The following LMTK2 variants were observed in gnomAD, a reference collection of about 807,000 sequenced individuals.
LMTK2 encodes serine/threonine-protein kinase LMTK2.
In LMTK2, 37 loss-of-function variants were observed where a neutral mutation model predicts 127.5. The ratio of observed to expected loss-of-function variants is 0.29; its 90% CI spans 0.22 to 0.38. The LOEUF (loss-of-function observed/expected upper bound fraction) is 0.38. Ranked by LOEUF, LMTK2 falls within the 10% of genes least tolerant of loss-of-function variation. LMTK2 has a pLI of 1.00. For missense variants in LMTK2, 1,694 were observed against 1,920.3 expected, an observed-to-expected ratio of 0.88 and a Z score of 2.20; for synonymous variants, 819 against 810.1, an observed-to-expected ratio of 1.01 and a Z score of -0.19.
At position 98,154,833 on chromosome 7, in the gene LMTK2, C is replaced by T; in HGVS notation, c.526C>T (p.Pro176Ser). The change falls in exon 5 of 14, where the codon CCA becomes TCA. Residue 176 changes from proline (P) to serine (S), a missense_variant. By Grantham distance (74) the Pro-to-Ser change is moderately conservative. This residue lies in a region of LMTK2 where 203 missense variants were observed against 226.2 expected (regional missense o/e 0.90). Coordinates refer to ENST00000297293, the MANE Select transcript of LMTK2 (RefSeq NM_014916.4). ...IVKELKASAN[P>S]KEQDTFLKNG... ...GAAGGAGTTAAAAGCAAGTGCCAAC[C>T]CAAAGGAACAAGATACTTTTTTGAA... 6.2e-7 allele frequency: 1 copy of T among 1,613,290 alleles called. No individual in the cohort carries two copies. Among genetic ancestry groups the T allele is most frequent in the Non-Finnish European group, 8.5e-7 (1 of 1,179,306 alleles).
intron 6 of LMTK2, among the ~76,000 whole-genome samples, chr7:98,161,613 A>G (rs10256262): frequency 0.13 from 19,512 of 152,108 alleles, 2,005 homozygotes; most frequent in African/African-American, 0.28. Context: ...ATTGCTTATT[A>G]TTATATAATC....
At chr7:98,139,754 T>C (rs1483079246) in intron 2 of LMTK2, among the ~76,000 whole-genome samples, 1 of 152,212 alleles carries the variant, frequency 6.6e-6, no homozygotes, top group Non-Finnish European at 1.5e-5. Flanking sequence ...AACACAAGTG[T>C]TAGAGAAATC....
intron 1 of LMTK2, among the ~76,000 whole-genome samples, chr7:98,114,009 A>G (rs542017933): frequency 6.6e-6 from 1 of 151,516 alleles, no homozygotes; most frequent in South Asian, 2.1e-4. Flanking sequence ...TTCAGGTGGG[A>G]AAAGTGAGCA....
intron 1 of LMTK2, among the ~76,000 whole-genome samples, chr7:98,118,990 G>T (rs1258972269): frequency 1.3e-5 from 2 of 152,044 alleles, no homozygotes; most frequent in Admixed American, 1.3e-4. Context: ...TACTCAGGAG[G>T]CTGAGGCAAG....
At chr7:98,179,036 C>T (rs1486620655) in intron 7 of LMTK2, among the ~76,000 whole-genome samples, 1 of 152,182 alleles carries the variant, frequency 6.6e-6, no homozygotes, top group Non-Finnish European at 1.5e-5. Flanking sequence ...CCCAGTCCTG[C>T]CACTGTTTGC....
intron 11 of LMTK2, among the ~76,000 whole-genome samples, chr7:98,203,250 G>A (rs987290474): frequency 3.9e-5 from 6 of 152,224 alleles, no homozygotes; most frequent in Admixed American, 2.0e-4. Context: ...GAGTCCAGGC[G>A]GGGGATTGTG....
At position 98,208,445 on chromosome 7, in the gene LMTK2, G is replaced by A. The variant is rs1240156154; in HGVS notation, c.*2953G>A. 6.6e-6 allele frequency: 1 copy of A among 152,132 alleles called. No individual in the cohort carries two copies. The highest frequency in any genetic ancestry group is 2.4e-5 in the African/African-American group (1 of 41,434). The allele number at this position is 152,132 out of a possible 1,614,324, so 9.4% of individuals were successfully genotyped here. A position where few individuals can be genotyped will look rare whatever the true frequency, so the allele number is the denominator to read the frequency against. On this transcript the variant is annotated 3_prime_UTR_variant, in exon 14 of 14. Transcript: ENST00000297293. ...GTTATCAGTGGTGGGTTTTCAAAAT[G>A]TACTTGTTCTAATAAGTTGTACAAT...
chr7:98,140,708 A>T (rs1584258804), intron 2 of LMTK2, among the ~76,000 whole-genome samples: 1 of 152,240 alleles, frequency 6.6e-6, no homozygotes, highest in Admixed American at 6.5e-5. Flanking sequence ...CAACTTTAAA[A>T]TAAAATGATT....
At position 98,194,253 on chromosome 7, in the gene LMTK2, G is replaced by A; in HGVS notation, c.3788G>A (p.Gly1263Glu). The change falls in exon 11 of 14, where the codon GGG becomes GAG. Residue 1263 changes from glycine to glutamate, a missense_variant. Physicochemically the swap from Gly to Glu is moderately conservative, Grantham distance 98. Coordinates refer to ENST00000297293, the MANE Select transcript of LMTK2 (RefSeq NM_014916.4). The surrounding 1 kb of genome is among the most constrained non-coding windows in gnomAD (Gnocchi z 5.4). ...AAGTTGAAGGAGCCGGACATCGAAG[G>A]GAAGTACCTGGGGAAACTCGGGGTG... ...GPKLKEPDIE[G>E]KYLGKLGVSG... The A allele has an allele frequency of 6.2e-7, 1 of 1,614,166 alleles. No individual in the cohort carries two copies. The highest frequency in any genetic ancestry group is 8.5e-7 in the Non-Finnish European group (1 of 1,180,034).
At chr7:98,143,683 A>G (rs138850066) in intron 3 of LMTK2, among the ~76,000 whole-genome samples, 7 of 152,348 alleles carry the variant, frequency 4.6e-5, no homozygotes, top group Admixed American at 1.3e-4. Flanking sequence ...TAGTGCAGCT[A>G]TAAATTGCTG....
intron 4 of LMTK2, 97 bp downstream of exon 4, chr7:98,151,552 C>T: frequency 1.0e-6 from 1 of 952,580 alleles, no homozygotes; most frequent in Non-Finnish European, 1.6e-6. Flanking sequence ...TCCACGTGCC[C>T]TGTGGGCCCT....
intron 6 of LMTK2, among the ~76,000 whole-genome samples, chr7:98,160,745 T>C (rs1216346767): frequency 1.3e-5 from 2 of 152,196 alleles, no homozygotes; most frequent in African/African-American, 2.4e-5. Context: ...TTCCTTATAA[T>C]TCTGGTTGTT....
intron 7 of LMTK2, among the ~76,000 whole-genome samples, chr7:98,177,750 G>C (rs774001142): frequency 6.6e-6 from 1 of 152,200 alleles, no homozygotes; most frequent in South Asian, 2.1e-4. Context: ...CCAAATCCTA[G>C]CAGGTGCCTG....
rs1797412636 is a variant in LMTK2 at position 98,185,035 on chromosome 7, T to G, written c.792-16T>G. ...TGTTGATTCTTCTTGCCATGTTCAC[T>G]TCCCTCTGTTTTCAGTGATTTAGCC... On this transcript the variant is annotated splice_polypyrimidine_tract_variant and intron_variant, in intron 7 of 13. Transcript: ENST00000297293. 14 of 1,587,886 alleles carry G rather than the reference T, an allele frequency of 8.8e-6. No individual in the cohort carries two copies. Among genetic ancestry groups the G allele is most frequent in the Non-Finnish European group, 1.0e-5 (12 of 1,157,026 alleles).
intron 2 of LMTK2, among the ~76,000 whole-genome samples, chr7:98,140,176 CTTTTCTTTCTTCTTTCTGTCT>C (rs1562902891): frequency 0.18 from 1,976 of 10,740 alleles, 631 homozygotes; most frequent in East Asian, 0.47. Flanking sequence ...TCTTTTCTTT[CTTTTCTTTCTTCTTTCTGTCT>C]TTGAGATGGT....
chr7:98,144,721 C>T (rs1796744998), intron 3 of LMTK2, among the ~76,000 whole-genome samples: 1 of 151,292 alleles, frequency 6.6e-6, no homozygotes, highest in Non-Finnish European at 1.5e-5. Context: ...TATTATGTCC[C>T]CACCCACACA....
rs113639306 is a variant in LMTK2, at chr7:98,176,459, ATTTCT to A, written c.791+4788_791+4792del. The stretch of plus-strand genomic sequence containing the variant: ...CCCACTATTTCTGTTACCTTCCAAC[ATTTCT>A]TTGGAGGTACTAGCTAATACAAACA... On this transcript the variant is annotated intron_variant, in intron 7 of 13. Transcript: ENST00000297293. 6.7e-3 allele frequency among the ~76,000 whole-genome samples: 1,015 copies of A among 152,332 alleles called. 9 individuals carry two copies. The highest frequency in any genetic ancestry group is 0.027 in the Middle Eastern group (8 of 294).
chr7:98,182,139 A>G (rs1797365074), intron 7 of LMTK2, among the ~76,000 whole-genome samples: 1 of 152,266 alleles, frequency 6.6e-6, no homozygotes, highest in Admixed American at 6.5e-5. Context: ...ATGCAAAACT[A>G]TAAAAGTCTT....
chr7:98,127,941 G>A (rs1388082667), intron 1 of LMTK2, among the ~76,000 whole-genome samples: 1 of 152,182 alleles, frequency 6.6e-6, no homozygotes, highest in East Asian at 1.9e-4. Flanking sequence ...TCAGGAGTTT[G>A]AGATTAGCCT....
Sources: allele counts gnomAD v4.1 joint callset (sites outside exome capture counted in the v4.1 genomes callset), GRCh38; gene constraint gnomAD v4.1.1; regional missense constraint gnomAD v4.1.1; non-coding constraint Gnocchi (gnomAD v3.1); transcripts MANE v1.5; gene names NCBI Gene and HGNC (gene_info 2026-07-23, HGNC 2026-07-21).